VCAN: variants seen among roughly 807,000 people sequenced by gnomAD.
VCAN encodes the protein versican, also known as versican core protein.
VCAN carries 44 observed loss-of-function variants against 245.5 expected under a neutral mutation model. The observed-to-expected ratio is 0.18, with a 90% CI of 0.14 to 0.23. The LOEUF is 0.23. Among genes scored for constraint, VCAN ranks in the 10% least tolerant of loss-of-function variants. The probability of loss-of-function intolerance (pLI) is 1.00; values close to 1 mark genes in which losing one functional copy is unlikely to be tolerated. For missense variants in VCAN, 3,793 were observed against 4,057.9 expected (o/e 0.93, Z 1.77); for synonymous variants, 1,413 against 1,437.0 (o/e 0.98, Z 0.38).
rs140746444 is a variant in VCAN, at chr5:83,494,850, G to A, written c.748+919G>A. 2.2e-3 allele frequency among the ~76,000 whole-genome samples: 329 copies of A among 152,172 alleles called. 1 individual carries two copies. The highest frequency in any genetic ancestry group is 7.2e-3 in the East Asian group (37 of 5,158). On this transcript the variant is annotated intron_variant, in intron 5 of 14. Coordinates refer to ENST00000265077, the MANE Select transcript of VCAN (RefSeq NM_004385.5). ...GCCTGTAGTCACAGTTACTTAGGAA[G>A]TGAGAGAAGTGTGGGGGTGGGGGGT...
At chr5:83,507,476 G>C (rs1329830393) in intron 5 of VCAN, among the ~76,000 whole-genome samples, 2 of 152,170 alleles carry the variant, frequency 1.3e-5, no homozygotes, top group East Asian at 3.9e-4. Flanking sequence ...GAGATAAAAA[G>C]GTGGCTTTAT....
chr5:83,548,495 T>G (rs170131), intron 10 of VCAN, among the ~76,000 whole-genome samples: 70,931 of 151,902 alleles, frequency 0.47, 16,759 homozygotes, highest in Admixed American at 0.5. Flanking sequence ...TGAGTTGATA[T>G]AGTTGTTAGA....
rs1463605378 is a variant in VCAN at position 83,540,031 on chromosome 5, G to C, written c.7028G>C (p.Gly2343Ala). The stretch of plus-strand genomic sequence containing the variant: ...ATTTTAAGTGACACTGGAGCAGAAG[G>C]ACCCACGGTGGCACCTCTCCCTTTC... ...IEILSDTGAE[G>A]PTVAPLPFST... Residue 2343 changes from glycine (G) to alanine (A), a missense_variant, in exon 8 of 15, where the codon GGA becomes GCA. By Grantham distance (60) the Gly-to-Ala change is moderately conservative. Transcript: ENST00000265077. 2 of 1,614,048 alleles carry C rather than the reference G, an allele frequency of 1.2e-6. No individual in the cohort carries two copies. Among genetic ancestry groups the C allele is most frequent in the South Asian group, 2.2e-5 (2 of 91,080 alleles).
intron 13 of VCAN, among the ~76,000 whole-genome samples, chr5:83,579,551 C>T (rs1208680439): frequency 1.3e-5 from 2 of 152,170 alleles, no homozygotes; most frequent in Non-Finnish European, 2.9e-5. Context: ...GCATAAGCCA[C>T]TGTGCCTGGC....
At chr5:83,472,978 C>A (rs1484971289) in intron 1 of VCAN, among the ~76,000 whole-genome samples, 1 of 152,226 alleles carries the variant, frequency 6.6e-6, no homozygotes, top group Non-Finnish European at 1.5e-5. Context: ...AATCAGGGGC[C>A]TCTGGGTCAG....
intron 10 of VCAN, 94 bp downstream of exon 10, chr5:83,548,178 C>G: frequency 4.4e-6 from 4 of 912,228 alleles, no homozygotes; most frequent in Non-Finnish European, 7.2e-6. Flanking sequence ...AGTGGAAATT[C>G]ACATTTCCTT....
At position 83,581,976 on chromosome 5, in the gene VCAN, T is replaced by C. The variant is rs201444844; in HGVS notation, c.*1542T>C. On this transcript the variant is annotated 3_prime_UTR_variant, in exon 15 of 15. Coordinates refer to ENST00000265077, the MANE Select transcript of VCAN (RefSeq NM_004385.5). Reference sequence around the variant, plus strand: ...AAAGGGATTGGCCCAATATTGATTCTTTTTTTATAAAACCTCCTTTGGCTT... The same window carrying C: ...AAAGGGATTGGCCCAATATTGATTCCTTTTTTATAAAACCTCCTTTGGCTT... 1 of 11,614 alleles carries C rather than the reference T, an allele frequency of 8.6e-5. No homozygotes were observed. Among genetic ancestry groups the C allele is most frequent in the Non-Finnish European group, 1.6e-4 (1 of 6,396 alleles). 0.7% of individuals were successfully genotyped at this position (11,614 alleles called of 1,614,324 possible). A position where few individuals can be genotyped will look rare whatever the true frequency, so the allele number is the denominator to read the frequency against.
At chr5:83,513,571 G>A (rs1745742569) in intron 6 of VCAN, among the ~76,000 whole-genome samples, 1 of 152,186 alleles carries the variant, frequency 6.6e-6, no homozygotes, top group South Asian at 2.1e-4. Context: ...CTTTCTGAGT[G>A]TTAAAGCCAT....
intron 7 of VCAN, among the ~76,000 whole-genome samples, chr5:83,524,345 A>G (rs971398261): frequency 1.2e-4 from 19 of 152,070 alleles, no homozygotes; most frequent in Non-Finnish European, 2.4e-4. Context: ...AAAATGTGAG[A>G]CTATAATCCA....
chr5:83,508,061 A>G (rs1745533951), intron 5 of VCAN, among the ~76,000 whole-genome samples: 2 of 152,186 alleles, frequency 1.3e-5, no homozygotes, highest in African/African-American at 4.8e-5. Context: ...TTCCATGTTC[A>G]GCTTAAATTG....
At chr5:83,502,514 C>A (rs1282590221) in intron 5 of VCAN, among the ~76,000 whole-genome samples, 1 of 152,136 alleles carries the variant, frequency 6.6e-6, no homozygotes, top group Admixed American at 6.5e-5. Context: ...TTTAGAACCT[C>A]TTTCTCACTC....
chr5:83,565,354 C>T (rs994451981), intron 12 of VCAN, among the ~76,000 whole-genome samples: 2 of 151,680 alleles, frequency 1.3e-5, no homozygotes, highest in Non-Finnish European at 2.9e-5. Context: ...AGGTCTTAGG[C>T]ACTTCTTTAA....
At chr5:83,480,725 C>T (rs542679937) in intron 1 of VCAN, among the ~76,000 whole-genome samples, 53 of 152,246 alleles carry the variant, frequency 3.5e-4, no homozygotes, top group African/African-American at 1.2e-3. Flanking sequence ...ATTTGAAGTA[C>T]ATAGCAATAA....
chr5:83,490,120 G>A lies in VCAN; in HGVS notation c.93G>A (p.Pro31=), dbSNP rs771456960. The A allele has an allele frequency of 6.8e-6, 11 of 1,613,878 alleles. No individual in the cohort carries two copies. The Middle Eastern group carries it at 8.2e-4, about 121-fold the overall frequency. Residue 31 remains proline (P), a synonymous_variant, in exon 3 of 15, where the codon CCG becomes CCA. Transcript: ENST00000265077. ...LHKVKVGKSP[P]VRGSLSGKVS... The stretch of plus-strand genomic sequence containing the variant: ...TAGTCAAAGTGGGAAAAAGCCCACC[G>A]GTGAGGGGCTCCCTCTCTGGAAAAG...
chr5:83,542,324 C>G (rs1005106254), intron 8 of VCAN, 56 bp downstream of exon 8: 1 of 1,546,106 alleles, frequency 6.5e-7, no homozygotes, highest in African/African-American at 1.4e-5. Flanking sequence ...TCCCTTGGTG[C>G]TAACGTTTAT....
At chr5:83,519,255 C>A in intron 6 of VCAN, 94 bp from the exon 7 acceptor site, 2 of 1,328,538 alleles carry the variant, frequency 1.5e-6, no homozygotes, top group Non-Finnish European at 2.1e-6. Flanking sequence ...CAAAAATACT[C>A]CCTACAAAAT....
At chr5:83,563,196 C>T (rs1747940719) in intron 12 of VCAN, among the ~76,000 whole-genome samples, 1 of 152,102 alleles carries the variant, frequency 6.6e-6, no homozygotes, top group African/African-American at 2.4e-5. Flanking sequence ...TTACCCTGTT[C>T]AACTAAAAGA....
Position 83,540,202 on chromosome 5 carries a change from A to G in VCAN, c.7199A>G (p.Asp2400Gly), listed in dbSNP as rs147435543. 14 of 1,613,986 alleles carry G rather than the reference A, an allele frequency of 8.7e-6. No homozygotes were observed. The African/African-American group carries it at 1.3e-4, about 15-fold the overall frequency. ...EINETTTSST[D>G]FLARAYGFEM... The stretch of plus-strand genomic sequence containing the variant: ...AACGAAACAACAACCTCATCTACTG[A>G]TTTTCTGGCTAGAGCTTATGGTTTT... Residue 2400 changes from aspartate (D) to glycine (G), a missense_variant, in exon 8 of 15, where the codon GAT (aspartate) becomes GGT (glycine). Asp to Gly is a moderately conservative substitution (Grantham distance 94). Coordinates refer to ENST00000265077, the MANE Select transcript of VCAN (RefSeq NM_004385.5).
intron 2 of VCAN, 56 bp from the exon 3 acceptor site, chr5:83,490,042 T>G: frequency 6.3e-7 from 1 of 1,599,668 alleles, no homozygotes; most frequent in Non-Finnish European, 8.6e-7. Context: ...ACATATTGAA[T>G]AGATTAAGTT....
Sources: gnomAD v4.1 joint callset for allele counts (sites outside exome capture counted in the v4.1 genomes callset) on GRCh38, gnomAD v4.1.1 for gene constraint, MANE v1.5 for transcripts, NCBI Gene and HGNC (gene_info 2026-07-23, HGNC 2026-07-21) for gene names.